SMARCA2: variants seen among roughly 807,000 people sequenced by gnomAD.
The protein encoded by SMARCA2 is SWI/SNF related BAF chromatin remodeling complex subunit ATPase 2.
A neutral mutation model predicts 199.8 loss-of-function variants in SMARCA2; 61 were observed. That is an observed-to-expected ratio of 0.31 (90% CI 0.25 to 0.38). The LOEUF (loss-of-function observed/expected upper bound fraction) is 0.38, where lower values mean the gene tolerates loss of function less well. Ranked by LOEUF, SMARCA2 falls within the 10% of genes least tolerant of loss-of-function variation. SMARCA2 has a pLI of 1.00. For missense variants in SMARCA2, 1,344 were observed against 2,012.2 expected (o/e 0.67, Z 6.35); for synonymous variants, 935 against 732.0 (o/e 1.28, Z -4.48).
rs139112347 is a variant in SMARCA2 at position 2,138,664 on chromosome 9, T to C, written c.3981+14727T>C. Among the ~76,000 whole-genome samples the C allele has an allele frequency of 3.3e-5, 5 of 152,356 alleles. No homozygotes were observed. In the East Asian group the frequency reaches 9.6e-4, roughly 29 times the overall value. On this transcript the variant is annotated intron_variant, in intron 27 of 33. Transcript: ENST00000349721. ...AGGGTTCTGCTTGCAGATTTGTCAC[T>C]GATTTGCTCTGCAACATCTTGGATA...
Position 2,039,870 on chromosome 9 carries a change from C to T in SMARCA2, c.760C>T (p.Pro254Ser), listed in dbSNP as rs751275713. 1.2e-6 allele frequency: 2 copies of T among 1,613,848 alleles called. No individual in the cohort carries two copies. Among genetic ancestry groups the T allele is most frequent in the African/African-American group, 2.7e-5 (2 of 74,930 alleles). ...PQPQTQQQQQPALVNYNRPSG... is the reference protein window; with the variant it reads ...PQPQTQQQQQSALVNYNRPSG... The stretch of plus-strand genomic sequence containing the variant: ...ACCACAGACGCAGCAACAACAGCAG[C>T]CGGCCCTTGTTAACTACAACAGACC... Residue 254 changes from proline to serine, a missense_variant, in exon 4 of 34, where the codon CCG (proline) becomes TCG (serine). Physicochemically the swap from Pro to Ser is moderately conservative, Grantham distance 74. Around this residue, in one of 18 missense-constraint regions of SMARCA2, gnomAD observed 117 missense variants for 99.1 expected, o/e 1.18. Transcript: ENST00000349721. The surrounding 1 kb of genome is among the most constrained non-coding windows in gnomAD (Gnocchi z 4.8).
intron 28 of SMARCA2, among the ~76,000 whole-genome samples, chr9:2,163,178 A>T (rs1393205416): frequency 1.3e-5 from 2 of 152,242 alleles, no homozygotes; most frequent in Non-Finnish European, 2.9e-5. Context: ...GTTTTCAGAA[A>T]TGGGGAAAGA....
intron 24 of SMARCA2, among the ~76,000 whole-genome samples, chr9:2,111,613 A>G (rs1259620890): frequency 1.3e-5 from 2 of 152,042 alleles, no homozygotes; most frequent in Non-Finnish European, 2.9e-5. Context: ...CAGTAACACT[A>G]TCTCACTGGG....
chr9:2,116,562 C>G (rs10964830), intron 25 of SMARCA2, among the ~76,000 whole-genome samples: 1 of 152,204 alleles, frequency 6.6e-6, no homozygotes, highest in Non-Finnish European at 1.5e-5. Context: ...ACCTTAACCT[C>G]TACTTTAAAT....
intron 4 of SMARCA2, chr9:2,045,099 G>A (rs1327626590): frequency 6.6e-6 from 1 of 152,232 alleles, no homozygotes; most frequent in African/African-American, 2.4e-5. Flanking sequence ...GCCAGTACAA[G>A]TGAAATGATA....
At position 2,120,298 on chromosome 9, in the gene SMARCA2, T is replaced by C. The variant is rs185750851; in HGVS notation, c.3762+763T>C. ...TCCCAAATTTGAGTGCCATCAGATC[T>C]TACATGAGTAATTTGCATGTGTGAA... is the stretch of plus-strand genomic sequence containing the variant. On this transcript the variant is annotated intron_variant, in intron 26 of 33. Coordinates refer to ENST00000349721, the MANE Select transcript of SMARCA2 (RefSeq NM_003070.5). Among the ~76,000 whole-genome samples, 274 of 152,302 alleles carry C rather than the reference T, an allele frequency of 1.8e-3. 1 individual carries two copies. Among genetic ancestry groups the C allele is most frequent in the African/African-American group, 6.4e-3 (264 of 41,562 alleles).
At chr9:2,155,720 CTTTTTTTTTTTTTTTTTTTTT>C (rs59156319) in intron 27 of SMARCA2, among the ~76,000 whole-genome samples, 58 of 53,190 alleles carry the variant, frequency 1.1e-3, no homozygotes, top group East Asian at 1.5e-3. Context: ...AAGAGAAAAC[CTTTTTTTTTTTTTTTTTTTTT>C]TTTTTTTTTT....
chr9:2,152,679 C>G (rs1348504910), intron 27 of SMARCA2, among the ~76,000 whole-genome samples: 1 of 152,048 alleles, frequency 6.6e-6, no homozygotes, highest in Non-Finnish European at 1.5e-5. Flanking sequence ...TGGCAAAACC[C>G]CATCTCTACT....
Position 2,029,204 on chromosome 9 carries a change from G to C in SMARCA2, c.182G>C (p.Gly61Ala), listed in dbSNP as rs754667442. The C allele has an allele frequency of 6.2e-6, 10 of 1,613,010 alleles. No individual in the cohort carries two copies. Among genetic ancestry groups the C allele is most frequent in the Non-Finnish European group, 8.5e-6 (10 of 1,179,506 alleles). ...PSVSHPMPTM[G>A]STDFPQEGMH... ...GTCTCCCATCCTATGCCGACGATGG[G>C]GTCCACAGACTTCCCACAGGAAGGC... is the stretch of plus-strand genomic sequence containing the variant. Residue 61 changes from glycine (G) to alanine (A), a missense_variant, in exon 2 of 34, where the codon GGG becomes GCG. Gly to Ala is a moderately conservative substitution (Grantham distance 60, BLOSUM62 0). Around this residue, in one of 18 missense-constraint regions of SMARCA2, gnomAD observed 275 missense variants for 247.5 expected, o/e 1.11. Transcript: ENST00000349721.
rs551002522 is a variant in SMARCA2 at position 2,152,059 on chromosome 9, CAGTAAAGACTGGTTTCATTGTCTCAGA to C, written c.3982-9623_3982-9597del. Among the ~76,000 whole-genome samples, 3 of 152,248 alleles carry C rather than the reference CAGTAAAGACTGGTTTCATTGTCTCAGA, an allele frequency of 2.0e-5. No individual in the cohort carries two copies. In the East Asian group the frequency reaches 5.8e-4, roughly 29 times the overall value. On this transcript the variant is annotated intron_variant, in intron 27 of 33. Transcript: ENST00000349721. The stretch of plus-strand genomic sequence containing the variant: ...AGACTATAGGAGGACTTTTGACTGC[CAGTAAAGACTGGTTTCATTGTCTCAGA>C]AGTCACCATGAACTGATGAATGTTA...
chr9:2,060,596 G>C (rs550889666), intron 8 of SMARCA2, among the ~76,000 whole-genome samples: 7 of 152,216 alleles, frequency 4.6e-5, no homozygotes, highest in Non-Finnish European at 1.5e-5. Flanking sequence ...CTTTGTGCCC[G>C]GACTTTGCTG....
Position 2,111,276 on chromosome 9 carries a change from C to G in SMARCA2, c.3456+859C>G, listed in dbSNP as rs369202390. On this transcript the variant is annotated intron_variant, in intron 24 of 33. Coordinates refer to ENST00000349721, the MANE Select transcript of SMARCA2 (RefSeq NM_003070.5). The stretch of plus-strand genomic sequence containing the variant: ...TTGAGGCAGGAGGATTGCTTTGAGC[C>G]CAGGAATTTGAGACCAGCCTGGGCA... 3.3e-5 allele frequency among the ~76,000 whole-genome samples: 5 copies of G among 151,540 alleles called. No homozygotes were observed. In the East Asian group the frequency reaches 7.8e-4, roughly 24 times the overall value.
At chr9:2,184,856 C>G (rs980237682) in intron 31 of SMARCA2, among the ~76,000 whole-genome samples, 2 of 152,002 alleles carry the variant, frequency 1.3e-5, no homozygotes, top group African/African-American at 4.8e-5. Flanking sequence ...CATCCTCTCT[C>G]TCTCTCGCGC....
At chr9:2,041,290 T>C in intron 4 of SMARCA2, 1 of 398,548 alleles carries the variant, frequency 2.5e-6, no homozygotes, top group Non-Finnish European at 4.4e-6. Flanking sequence ...TGAAAGGTCA[T>C]TGACTGGGTG....
chr9:2,062,230 T>C (rs1820625494), intron 9 of SMARCA2, among the ~76,000 whole-genome samples: 1 of 152,266 alleles, frequency 6.6e-6, no homozygotes, highest in East Asian at 1.9e-4. Context: ...TTTTTAAAAA[T>C]TAAAAAGGAA....
At chr9:2,158,662 G>T (rs12378008) in intron 27 of SMARCA2, 90,313 of 300,422 alleles carry the variant, frequency 0.3, 14,320 homozygotes, top group Non-Finnish European at 0.35. Context: ...GGTTTTTTTT[G>T]TGTGTGACCC....
At chr9:2,106,770 T>G (rs1282387324) in intron 23 of SMARCA2, among the ~76,000 whole-genome samples, 1 of 152,250 alleles carries the variant, frequency 6.6e-6, no homozygotes. Context: ...CCATATAGTT[T>G]TTGTTTTTAC....
intron 27 of SMARCA2, chr9:2,160,860 TTTTGAG>T: frequency 2.6e-6 from 1 of 388,632 alleles, no homozygotes. Flanking sequence ...ATTTTTCTTC[TTTTGAG>T]TTTTGAGATT....
At chr9:2,031,029 C>A (rs1216380643) in intron 2 of SMARCA2, among the ~76,000 whole-genome samples, 2 of 152,138 alleles carry the variant, frequency 1.3e-5, no homozygotes, top group East Asian at 3.8e-4. Context: ...CTTTTTCTAT[C>A]TTGCTTTTCT....
Sources: gnomAD v4.1 joint callset for allele counts (sites outside exome capture counted in the v4.1 genomes callset) on GRCh38, gnomAD v4.1.1 for gene constraint, gnomAD v4.1.1 regional missense constraint, Gnocchi (gnomAD v3.1) non-coding constraint, MANE v1.5 for transcripts, NCBI Gene and HGNC (gene_info 2026-07-23, HGNC 2026-07-21) for gene names.